The following MGST1 variants were observed in gnomAD, a reference collection of about 807,000 sequenced individuals.
The protein encoded by MGST1 is glutathione S-transferase 12.
MGST1 carries 5 observed loss-of-function variants against 8.9 expected under a neutral mutation model. The ratio of observed to expected loss-of-function variants is 0.56; its 90% confidence interval spans 0.29 to 1.19. The LOEUF (loss-of-function observed/expected upper bound fraction) is 1.19, where lower values mean the gene tolerates loss of function less well. Among genes scored for constraint, MGST1 ranks in the 50% most tolerant of loss-of-function variants. The pLI, the probability that MGST1 is intolerant of heterozygous loss-of-function variation, is 0.08. For synonymous variants in MGST1, 54 were observed against 67.8 expected (o/e 0.80, Z 1.00); for missense variants, 182 against 187.4 (o/e 0.97, Z 0.17).
At position 16,401,237 on chromosome 12, in the gene MGST1, C is replaced by T. The variant is rs1940653119; in HGVS notation, n.778+17633C>T. The T allele has an allele frequency of 6.4e-7, 1 of 1,569,336 alleles. No individual in the cohort carries two copies. Among genetic ancestry groups the T allele is most frequent in the Non-Finnish European group, 8.8e-7 (1 of 1,141,776 alleles). ...CTAAGGAACAGGGCATAGGTTTTCT[C>T]TTCTGGCTTTTTCCCCTCCTTGTTA... On this transcript the variant is annotated intron_variant and non_coding_transcript_variant, in intron 1 of 1. Coordinates refer to the MGST1 transcript ENST00000359720. The surrounding 1 kb of genome is among the most constrained non-coding windows in gnomAD (Gnocchi z 4.3).
In MGST1 at chr12:16,586,603, T is replaced by C. The variant is rs143490041; in HGVS notation, n.483-2925T>C. Reference sequence around the variant, plus strand: ...CACTGCATTTCATCTTTGGACGTCCTTTCTTGGCAGGACCACTTGTCTCCC... The same window carrying C: ...CACTGCATTTCATCTTTGGACGTCCCTTCTTGGCAGGACCACTTGTCTCCC... On this transcript the variant is annotated intron_variant and non_coding_transcript_variant, in intron 4 of 4. Transcript: ENST00000538857. This position sits in a 1 kb window ranked among gnomAD's most constrained non-coding sequence, Gnocchi z 4.3. Among the ~76,000 whole-genome samples, 12 of 152,336 alleles carry C rather than the reference T, an allele frequency of 7.9e-5. No homozygotes were observed. Among genetic ancestry groups the C allele is most frequent in the African/African-American group, 2.9e-4 (12 of 41,594 alleles).
At chr12:16,469,819 G>T (rs947675941) in intron 4 of MGST1, among the ~76,000 whole-genome samples, 2 of 152,136 alleles carry the variant, frequency 1.3e-5, no homozygotes, top group Non-Finnish European at 2.9e-5. Context: ...GTTTTGCAAA[G>T]AACTAAAAAT....
intron 4 of MGST1, among the ~76,000 whole-genome samples, chr12:16,515,633 A>G (rs1439098154): frequency 1.4e-3 from 1 of 692 alleles, no homozygotes; most frequent in Admixed American, 0.25. Flanking sequence ...TCTATCTCAG[A>G]AAAAAAAAAA....
intron 4 of MGST1, among the ~76,000 whole-genome samples, chr12:16,499,504 T>A (rs967947259): frequency 1.3e-5 from 2 of 152,038 alleles, no homozygotes; most frequent in African/African-American, 4.8e-5. Flanking sequence ...TCAATCAGAT[T>A]TGGGGGAAAA....
At chr12:16,485,170 G>A (rs888198426) in intron 4 of MGST1, among the ~76,000 whole-genome samples, 2 of 152,134 alleles carry the variant, frequency 1.3e-5, no homozygotes, top group Non-Finnish European at 2.9e-5. Flanking sequence ...ACATTCTATG[G>A]ACATTGTTCT....
intron 3 of MGST1, among the ~76,000 whole-genome samples, chr12:16,370,641 T>C (rs1234990440): frequency 6.6e-6 from 1 of 152,150 alleles, no homozygotes; most frequent in African/African-American, 2.4e-5. Flanking sequence ...ACAATACAGT[T>C]AGAGTCTGGA....
chr12:16,484,171 A>G (rs1941383814), intron 4 of MGST1, among the ~76,000 whole-genome samples: 1 of 152,192 alleles, frequency 6.6e-6, no homozygotes, highest in Non-Finnish European at 1.5e-5. Flanking sequence ...CACTCTTCAG[A>G]GTCTGAAATT....
intron 3 of MGST1, among the ~76,000 whole-genome samples, chr12:16,360,149 T>C (rs1939921233): frequency 6.6e-6 from 1 of 152,094 alleles, no homozygotes; most frequent in South Asian, 2.1e-4. Flanking sequence ...GAGTTTCCAG[T>C]TGTATAATGC....
intron 3 of MGST1, chr12:16,360,579 A>G (rs1423487545): frequency 6.3e-6 from 1 of 158,202 alleles, no homozygotes; most frequent in East Asian, 1.9e-4. Context: ...CTTGTCTAGG[A>G]AGCATTCAAG....
chr12:16,355,348 A>G (rs1359018843), intron 2 of MGST1, among the ~76,000 whole-genome samples: 1 of 151,640 alleles, frequency 6.6e-6, no homozygotes, highest in East Asian at 1.9e-4. Flanking sequence ...AGCTGAGATT[A>G]TAGGCACGCA....
intron 4 of MGST1, among the ~76,000 whole-genome samples, chr12:16,523,467 A>C (rs1941662070): frequency 6.6e-6 from 1 of 152,002 alleles, no homozygotes; most frequent in African/African-American, 2.4e-5. Context: ...CTCTTCCAGG[A>C]AGCTTTCATG....
At chr12:16,465,217 C>T (rs1941245623) in intron 4 of MGST1, among the ~76,000 whole-genome samples, 1 of 152,168 alleles carries the variant, frequency 6.6e-6, no homozygotes, top group African/African-American at 2.4e-5. Flanking sequence ...TGACTGAATC[C>T]TTTTGAACTC....
chr12:16,556,463 T>C (rs192302854), intron 4 of MGST1, among the ~76,000 whole-genome samples: 1 of 152,348 alleles, frequency 6.6e-6, no homozygotes, highest in Non-Finnish European at 1.5e-5. Flanking sequence ...TTACTGCTAC[T>C]TTTTAAAACA....
downstream of MGST1, among the ~76,000 whole-genome samples, chr12:16,592,215 T>C (rs1383102871): frequency 1.3e-5 from 2 of 152,058 alleles, no homozygotes; most frequent in African/African-American, 4.8e-5. Flanking sequence ...AATGGTTTCA[T>C]TGTAGAACTT....
At chr12:16,350,545 A>G (rs1939413653) in intron 1 of MGST1, among the ~76,000 whole-genome samples, 1 of 152,182 alleles carries the variant, frequency 6.6e-6, no homozygotes, top group Non-Finnish European at 1.5e-5. Context: ...CTTTCCTGGT[A>G]AAAGGCTTTC....
rs1943269946 is a variant in MGST1 at position 16,584,914 on chromosome 12, A to G, written n.483-4614A>G. On this transcript the variant is annotated intron_variant and non_coding_transcript_variant, in intron 4 of 4. Coordinates refer to the MGST1 transcript ENST00000538857. The surrounding 1 kb of genome is among the most constrained non-coding windows in gnomAD (Gnocchi z 5.2). ...TCAAACACCTTAGCGAACTGTACAC[A>G]TTAAAGGGCCTGATCAGTTATCTGA... Among the ~76,000 whole-genome samples, 2 of 152,202 alleles carry G rather than the reference A, an allele frequency of 1.3e-5. No individual in the cohort carries two copies. Among genetic ancestry groups the G allele is most frequent in the South Asian group, 4.1e-4 (2 of 4,830 alleles).
At chr12:16,382,527 G>C (rs1297980361), upstream of MGST1, among the ~76,000 whole-genome samples, 1 of 152,142 alleles carries the variant, frequency 6.6e-6, no homozygotes, top group African/African-American at 2.4e-5. Flanking sequence ...ACCCGGCCGT[G>C]TGAGGTGTCA....
At chr12:16,508,661 G>A (rs1941556995) in intron 4 of MGST1, among the ~76,000 whole-genome samples, 1 of 152,046 alleles carries the variant, frequency 6.6e-6, no homozygotes, top group Non-Finnish European at 1.5e-5. Context: ...TATATCTTTA[G>A]CCTGACAACA....
Position 16,567,283 on chromosome 12 carries a change from G to A in MGST1, n.483-22245G>A, listed in dbSNP as rs193047035. ...CAATAATTCATGGTATTGAGAGAAA[G>A]CTGAGGTTCAATGAACCTTTTTTAA... On this transcript the variant is annotated intron_variant and non_coding_transcript_variant, in intron 4 of 4. Coordinates refer to the MGST1 transcript ENST00000538857. 431 of 158,006 alleles carry A rather than the reference G, an allele frequency of 2.7e-3. 2 individuals are homozygous for A. Among genetic ancestry groups the A allele is most frequent in the African/African-American group, 9.8e-3 (407 of 41,680 alleles). 9.8% of individuals were successfully genotyped at this position (158,006 alleles called of 1,614,324 possible). A position where few individuals can be genotyped will look rare whatever the true frequency, so the allele number is the denominator to read the frequency against.
Sources: gnomAD v4.1 joint callset for allele counts (sites outside exome capture counted in the v4.1 genomes callset) on GRCh38, gnomAD v4.1.1 for gene constraint, Gnocchi (gnomAD v3.1) non-coding constraint, MANE v1.5 for transcripts, NCBI Gene and HGNC (gene_info 2026-07-23, HGNC 2026-07-21) for gene names.